Variants in CSRNP2 observed in about 807,000 individuals in gnomAD.
CSRNP2 encodes the protein cysteine/serine-rich nuclear protein 2.
CSRNP2 carries 11 observed loss-of-function variants against 36.6 expected under a neutral mutation model. That is an observed-to-expected ratio of 0.30 (90% CI 0.19 to 0.50). The LOEUF (loss-of-function observed/expected upper bound fraction) is 0.50, where lower values mean the gene tolerates loss of function less well. Among genes scored for constraint, CSRNP2 ranks in the 20% least tolerant of loss-of-function variants. The pLI is 0.98. For synonymous variants in CSRNP2, 248 were observed against 275.3 expected (o/e 0.90, Z 0.98); for missense variants, 483 against 691.4 (o/e 0.70, Z 3.38).
At chr12:51,066,185 TG>T (rs1445938200) in intron 4 of CSRNP2, among the ~76,000 whole-genome samples, 1 of 152,046 alleles carries the variant, frequency 6.6e-6, no homozygotes, top group Non-Finnish European at 1.5e-5. Flanking sequence ...CCAGGTGCGG[TG>T]GCTCACGCCT....
intron 1 of CSRNP2, among the ~76,000 whole-genome samples, chr12:51,082,071 T>C (rs963309692): frequency 2.0e-5 from 3 of 152,222 alleles, no homozygotes; most frequent in African/African-American, 2.4e-5. Context: ...AGGGCTACCA[T>C]CTGTAGCTGG....
At position 51,062,064 on chromosome 12, in the gene CSRNP2, T is replaced by G. The variant is rs1323575219; in HGVS notation, c.*1682A>C. ...CTCCAAACTAAAACCAAGCAAAAAC[T>G]GGAACAAATAGGAAAGGCAGAATGA... On this transcript the variant is annotated 3_prime_UTR_variant, in exon 5 of 5. Transcript: ENST00000228515. 1.3e-5 allele frequency: 2 copies of G among 152,092 alleles called. No individual in the cohort carries two copies. Among genetic ancestry groups the G allele is most frequent in the African/African-American group, 4.8e-5 (2 of 41,394 alleles). 9.4% of individuals were successfully genotyped at this position (152,092 alleles called of 1,614,324 possible).
intron 3 of CSRNP2, among the ~76,000 whole-genome samples, chr12:51,071,381 T>G (rs772556138): frequency 1.3e-5 from 2 of 151,752 alleles, no homozygotes; most frequent in Non-Finnish European, 2.9e-5. Flanking sequence ...TGCTCCAGCC[T>G]GGATGACAGA....
intron 1 of CSRNP2, among the ~76,000 whole-genome samples, chr12:51,079,504 T>C (rs1249933374): frequency 2.0e-5 from 3 of 151,734 alleles, no homozygotes; most frequent in African/African-American, 7.3e-5. Context: ...GGCTCATGTC[T>C]GTCATCCCAG....
At position 51,074,091 on chromosome 12, in the gene CSRNP2, G is replaced by A. The variant is rs1297433286; in HGVS notation, c.152-9C>T. 3 of 1,607,410 alleles carry A rather than the reference G, an allele frequency of 1.9e-6. No individual in the cohort carries two copies. The highest frequency in any genetic ancestry group is 2.7e-5 in the African/African-American group (2 of 74,334). Reference sequence around the variant, plus strand: ...CTTCAGGATGGATGTGGCTGAGAAGGGAGCACAGAGAGATGTTTTATTTAT... The same window carrying A: ...CTTCAGGATGGATGTGGCTGAGAAGAGAGCACAGAGAGATGTTTTATTTAT... On this transcript the variant is annotated splice_polypyrimidine_tract_variant and intron_variant, in intron 2 of 4. Coordinates refer to ENST00000228515, the MANE Select transcript of CSRNP2 (RefSeq NM_030809.3).
Position 51,067,542 on chromosome 12 carries a change from T to G in CSRNP2, c.708+131A>C. On this transcript the variant is annotated intron_variant, in intron 4 of 4. Transcript: ENST00000228515. The surrounding 1 kb of genome is among the most constrained non-coding windows in gnomAD (Gnocchi z 4.1). ...TGCTTACTCTGTTGACGGAGGAGGG[T>G]TGTGGAACTGGAGAGTGTTCACAAC... is the stretch of plus-strand genomic sequence containing the variant. The G allele has an allele frequency of 3.7e-6, 3 of 808,806 alleles. No homozygotes were observed. The highest frequency in any genetic ancestry group is 5.2e-5 in the Admixed American group (2 of 38,578). 50.1% of individuals were successfully genotyped at this position (808,806 alleles called of 1,614,324 possible). A position where few individuals can be genotyped will look rare whatever the true frequency, so the allele number is the denominator to read the frequency against.
rs1190990465 is a variant in CSRNP2 at position 51,067,730 on chromosome 12, G to A, written c.651C>T (p.Cys217=). The A allele has an allele frequency of 1.2e-6, 2 of 1,614,012 alleles. No homozygotes were observed. Among genetic ancestry groups the A allele is most frequent in the Admixed American group, 3.3e-5 (2 of 60,004 alleles). ...RLSREECGCD[C]RLYCDPEACA... is the part of the protein sequence containing the mutation. ...ACGCTTCTGGGTCACAATACAGTCG[G>A]CAGTCACAACCACATTCTTCCCGTG... Residue 217 remains cysteine, a synonymous_variant, in exon 4 of 5, where the codon TGC becomes TGT. Transcript: ENST00000228515. The surrounding 1 kb of genome is among the most constrained non-coding windows in gnomAD (Gnocchi z 4.1).
At chr12:51,081,461 C>T (rs1458816441) in intron 1 of CSRNP2, 7 of 152,178 alleles carry the variant, frequency 4.6e-5, no homozygotes, top group Admixed American at 2.0e-4. Flanking sequence ...AGGATCAATG[C>T]CTGTGTTCAA....
intron 2 of CSRNP2, among the ~76,000 whole-genome samples, chr12:51,075,170 G>A (rs1939344194): frequency 6.6e-6 from 1 of 152,012 alleles, no homozygotes; most frequent in Admixed American, 6.5e-5. Context: ...TAGAGTGCAT[G>A]GCACAATCAC....
In CSRNP2 at chr12:51,083,342, C is replaced by T; in HGVS notation, c.-90G>A. ...CCCGCACCCCTAGGCCCATTACCGG[C>T]CCCGCCGCAGCTGCCTCCTCCCGTG... On this transcript the variant is annotated 5_prime_UTR_variant, in exon 1 of 5. Coordinates refer to ENST00000228515, the MANE Select transcript of CSRNP2 (RefSeq NM_030809.3). The T allele has an allele frequency of 6.5e-6, 1 of 154,636 alleles. No homozygotes were observed. The highest frequency in any genetic ancestry group is 1.4e-5 in the Non-Finnish European group (1 of 69,318). The allele number at this position is 154,636 out of a possible 1,614,324, so 9.6% of individuals were successfully genotyped here. A position where few individuals can be genotyped will look rare whatever the true frequency, so the allele number is the denominator to read the frequency against.
At position 51,064,114 on chromosome 12, in the gene CSRNP2, C is replaced by G. The variant is rs975616893; in HGVS notation, c.1264G>C (p.Val422Leu). The change falls in exon 5 of 5, where the codon GTG becomes CTG. Residue 422 changes from valine (V) to leucine (L), a missense_variant. By Grantham distance (32) the Val-to-Leu change is conservative. Transcript: ENST00000228515. ...ACTCCCAAGACTGGCCTCTGCTCCACTTGATAATAGACCAGGGGCCCACTG... is the reference window on the plus strand; with the variant it reads ...ACTCCCAAGACTGGCCTCTGCTCCAGTTGATAATAGACCAGGGGCCCACTG... ...LNSGPLVYYQVEQRPVLGVKG... is the reference protein window; with the variant it reads ...LNSGPLVYYQLEQRPVLGVKG... The G allele has an allele frequency of 2.5e-6, 4 of 1,614,114 alleles. No homozygotes were observed. The highest frequency in any genetic ancestry group is 1.3e-5 in the African/African-American group (1 of 74,934).
rs186023609 is a variant in CSRNP2, at chr12:51,077,635, A to G, written c.-86-988T>C. Among the ~76,000 whole-genome samples the G allele has an allele frequency of 2.6e-5, 4 of 152,286 alleles. No homozygotes were observed. In the East Asian group the frequency reaches 7.7e-4, roughly 29 times the overall value. ...GGCTTCTATAAAGGTCAAATTTGGT[A>G]CCAAAGAATGGACCCAAGATTAGAA... On this transcript the variant is annotated intron_variant, in intron 1 of 4. Transcript: ENST00000228515.
intron 4 of CSRNP2, among the ~76,000 whole-genome samples, chr12:51,066,794 G>GT (rs1393901578): frequency 6.6e-6 from 1 of 152,160 alleles, no homozygotes; most frequent in Non-Finnish European, 1.5e-5. Context: ...TGAACAATAA[G>GT]TGTTTGCAGA....
rs1012053559 is a variant in CSRNP2, at chr12:51,083,563, G to C, written c.-311C>G. ...GGCAACTCGGGCGCCCCCGGCAGCA[G>C]ACGCCCAGAACCGCCCCGGCTCCGG... On this transcript the variant is annotated 5_prime_UTR_variant, in exon 1 of 5. Transcript: ENST00000228515. 3 of 152,296 alleles carry C rather than the reference G, an allele frequency of 2.0e-5. No individual in the cohort carries two copies. The highest frequency in any genetic ancestry group is 4.1e-4 in the South Asian group (2 of 4,830). The allele number at this position is 152,296 out of a possible 1,614,324, so 9.4% of individuals were successfully genotyped here. A position where few individuals can be genotyped will look rare whatever the true frequency, so the allele number is the denominator to read the frequency against.
chr12:51,074,708 TG>T (rs1939321856), intron 2 of CSRNP2, among the ~76,000 whole-genome samples: 1 of 152,218 alleles, frequency 6.6e-6, no homozygotes. Flanking sequence ...ACAGCTTTAC[TG>T]TCCAATACAG....
Position 51,083,438 on chromosome 12 carries a change from C to T in CSRNP2, c.-186G>A, listed in dbSNP as rs1226672566. 6.6e-6 allele frequency: 1 copy of T among 152,330 alleles called. No homozygotes were observed. The highest frequency in any genetic ancestry group is 2.4e-5 in the African/African-American group (1 of 41,460). The allele number at this position is 152,330 out of a possible 1,614,324, so 9.4% of individuals were successfully genotyped here. Reference sequence around the variant, plus strand: ...GAAGGAGGGAGGAGCGAGCGAGTCCCGGGCCCCGCGGCGACGGCCGGGGAG... The same window carrying T: ...GAAGGAGGGAGGAGCGAGCGAGTCCTGGGCCCCGCGGCGACGGCCGGGGAG... On this transcript the variant is annotated 5_prime_UTR_variant, in exon 1 of 5. Coordinates refer to ENST00000228515, the MANE Select transcript of CSRNP2 (RefSeq NM_030809.3).
chr12:51,061,967 TAA>T lies in CSRNP2; in HGVS notation c.*1777_*1778del, dbSNP rs1324877730. 2.0e-5 allele frequency: 3 copies of T among 152,174 alleles called. No individual in the cohort carries two copies. The highest frequency in any genetic ancestry group is 7.2e-5 in the African/African-American group (3 of 41,442). 9.4% of individuals were successfully genotyped at this position (152,174 alleles called of 1,614,324 possible). On this transcript the variant is annotated 3_prime_UTR_variant, in exon 5 of 5. Coordinates refer to ENST00000228515, the MANE Select transcript of CSRNP2 (RefSeq NM_030809.3). ...GGGTAGCTTCGAGAGCTCAGGTACT[TAA>T]AAGACTCTCAACTGTGTTTTGTGAG...
Position 51,067,928 on chromosome 12 carries a change from G to T in CSRNP2, c.453C>A (p.Gly151=). Residue 151 remains glycine (G), a synonymous_variant, in exon 4 of 5, where the codon GGC becomes GGA. Coordinates refer to ENST00000228515, the MANE Select transcript of CSRNP2 (RefSeq NM_030809.3). This position sits in a 1 kb window ranked among gnomAD's most constrained non-coding sequence, Gnocchi z 4.1. ...NGTVESVEAD[G]LTLDDVSDED... is the part of the protein sequence containing the mutation. ...CATCTGACACATCATCCAGCGTCAG[G>T]CCATCAGCCTCCACCGACTCCACTG... The T allele has an allele frequency of 2.5e-6, 4 of 1,614,022 alleles. No individual in the cohort carries two copies. The highest frequency in any genetic ancestry group is 2.2e-5 in the South Asian group (2 of 91,068).
intron 4 of CSRNP2, among the ~76,000 whole-genome samples, chr12:51,066,106 G>T (rs916856586): frequency 6.6e-6 from 1 of 151,278 alleles, no homozygotes; most frequent in Non-Finnish European, 1.5e-5. Flanking sequence ...GATCACCTGA[G>T]GTCAGGCGTT....
Sources: allele counts gnomAD v4.1 joint callset (sites outside exome capture counted in the v4.1 genomes callset), GRCh38; gene constraint gnomAD v4.1.1; non-coding constraint Gnocchi (gnomAD v3.1); transcripts MANE v1.5; gene names NCBI Gene and HGNC (gene_info 2026-07-23, HGNC 2026-07-21).